The following TBC1D9 variants were observed in gnomAD, a reference collection of about 807,000 sequenced individuals.
The protein encoded by TBC1D9 is TBC1 domain family member 9A.
A neutral mutation model predicts 132.0 loss-of-function variants in TBC1D9; 63 were observed. The ratio of observed to expected loss-of-function variants is 0.48; its 90% CI spans 0.39 to 0.59. TBC1D9 has a LOEUF of 0.59. TBC1D9 is among the 20% of genes least tolerant of loss of function. The pLI is 0.00. For synonymous variants in TBC1D9, 610 were observed against 609.9 expected (o/e 1.00, Z 0.00); for missense variants, 1,261 against 1,592.7 (o/e 0.79, Z 3.54).
Position 140,665,752 on chromosome 4 carries a change from T to C in TBC1D9, c.1588+3165A>G, listed in dbSNP as rs187622790. ...GGTGCAGAGGTCTGATCACAGCTCA[T>C]TGCAGCCTCAACCTCCCAGACTCAA... On this transcript the variant is annotated intron_variant, in intron 9 of 20. Coordinates refer to ENST00000442267, the MANE Select transcript of TBC1D9 (RefSeq NM_015130.3). Among the ~76,000 whole-genome samples the C allele has an allele frequency of 4.4e-3, 673 of 152,256 alleles. 4 individuals carry two copies. Among genetic ancestry groups the C allele is most frequent in the African/African-American group, 0.015 (627 of 41,548 alleles).
Position 140,622,192 on chromosome 4 carries a change from G to A in TBC1D9, c.*3C>T. 1 of 1,569,132 alleles carries A rather than the reference G, an allele frequency of 6.4e-7. No individual in the cohort carries two copies. The highest frequency in any genetic ancestry group is 8.7e-7 in the Non-Finnish European group (1 of 1,148,366). On this transcript the variant is annotated 3_prime_UTR_variant, in exon 21 of 21. Transcript: ENST00000442267. The stretch of plus-strand genomic sequence containing the variant: ...CTCCCACTCCCCCGGGAAGGCGCCC[G>A]TGTCAGCCGGACATGGCCGAGATTT...
intron 1 of TBC1D9, among the ~76,000 whole-genome samples, chr4:140,732,476 G>T (rs1738609213): frequency 6.6e-6 from 1 of 152,172 alleles, no homozygotes; most frequent in African/African-American, 2.4e-5. Flanking sequence ...AGACTTTTGG[G>T]AAATTAGAAC....
chr4:140,674,799 A>G (rs1341310056), intron 6 of TBC1D9, among the ~76,000 whole-genome samples: 1 of 151,972 alleles, frequency 6.6e-6, no homozygotes, highest in African/African-American at 2.4e-5. Context: ...CCTGGGTTCA[A>G]GTGATCCTCC....
intron 13 of TBC1D9, among the ~76,000 whole-genome samples, chr4:140,654,097 AT>A (rs1234926270): frequency 2.0e-5 from 3 of 152,270 alleles, no homozygotes; most frequent in Non-Finnish European, 4.4e-5. Context: ...TGAACAAAAG[AT>A]TCTTAGCAAA....
intron 1 of TBC1D9, among the ~76,000 whole-genome samples, chr4:140,746,353 C>G (rs1294957745): frequency 6.6e-6 from 1 of 152,100 alleles, no homozygotes; most frequent in African/African-American, 2.4e-5. Flanking sequence ...CACCTGAGAT[C>G]CATTAAACTC....
chr4:140,736,027 C>T (rs929197429), intron 1 of TBC1D9, among the ~76,000 whole-genome samples: 1 of 152,166 alleles, frequency 6.6e-6, no homozygotes, highest in African/African-American at 2.4e-5. Context: ...TGGAATGATA[C>T]TGACAAGATT....
Position 140,657,184 on chromosome 4 carries a change from G to T in TBC1D9, c.2250C>A (p.Pro750=). The change falls in exon 13 of 21, where the codon CCC becomes CCA. Residue 750 remains proline (P), a synonymous_variant. Transcript: ENST00000442267. ...TGAGCAAGGAGTGGAGGTGAGGAATGGGAGGCAGTGTGCTGTCTTTATTGG... is the reference window on the plus strand; with the variant it reads ...TGAGCAAGGAGTGGAGGTGAGGAATTGGAGGCAGTGTGCTGTCTTTATTGG... ...SVTNKDSTLP[P]IPHLHSLLSD... 6.2e-7 allele frequency: 1 copy of T among 1,613,902 alleles called. No homozygotes were observed. The highest frequency in any genetic ancestry group is 8.5e-7 in the Non-Finnish European group (1 of 1,179,796).
intron 1 of TBC1D9, among the ~76,000 whole-genome samples, chr4:140,740,800 C>T (rs1738747519): frequency 6.6e-6 from 1 of 152,222 alleles, no homozygotes; most frequent in East Asian, 1.9e-4. Flanking sequence ...CTGTCAATTT[C>T]ATCCAAATGA....
intron 1 of TBC1D9, among the ~76,000 whole-genome samples, chr4:140,707,384 TC>T (rs1331161822): frequency 1.3e-5 from 2 of 152,340 alleles, no homozygotes; most frequent in Non-Finnish European, 1.5e-5. Context: ...TTCACTGATC[TC>T]CCTAAAGCCA....
chr4:140,730,979 C>T (rs1298439769), intron 1 of TBC1D9, among the ~76,000 whole-genome samples: 3 of 152,156 alleles, frequency 2.0e-5, no homozygotes, highest in South Asian at 2.1e-4. Context: ...CATCAATGAA[C>T]TCAAGTTAAA....
intron 1 of TBC1D9, among the ~76,000 whole-genome samples, chr4:140,704,302 G>A (rs1738116382): frequency 1.3e-5 from 2 of 152,202 alleles, no homozygotes; most frequent in South Asian, 4.2e-4. Context: ...TAGGGAGGCT[G>A]AGGCAGGAGA....
chr4:140,642,822 G>C (rs1042985469), intron 13 of TBC1D9: 2 of 601,958 alleles, frequency 3.3e-6, no homozygotes, highest in African/African-American at 3.7e-5. Context: ...CCCCTCTTGC[G>C]GGCGGGCGAC....
intron 1 of TBC1D9, among the ~76,000 whole-genome samples, chr4:140,704,236 A>G (rs1738115386): frequency 6.6e-6 from 1 of 151,964 alleles, no homozygotes; most frequent in African/African-American, 2.4e-5. Context: ...CTTCCCCATT[A>G]AAAATCCAAA....
At chr4:140,670,317 G>A (rs1050903513) in intron 7 of TBC1D9, among the ~76,000 whole-genome samples, 1 of 152,040 alleles carries the variant, frequency 6.6e-6, no homozygotes, top group African/African-American at 2.4e-5. Flanking sequence ...CCTGAATGTT[G>A]GTCCAGGGAA....
chr4:140,732,602 T>C (rs1363958868), intron 1 of TBC1D9, among the ~76,000 whole-genome samples: 2 of 152,172 alleles, frequency 1.3e-5, no homozygotes, highest in Non-Finnish European at 1.5e-5. Context: ...TTAACTGAAA[T>C]GAAATCTGGT....
chr4:140,722,077 A>G (rs936119578), intron 1 of TBC1D9, among the ~76,000 whole-genome samples: 1 of 152,094 alleles, frequency 6.6e-6, no homozygotes, highest in Non-Finnish European at 1.5e-5. Flanking sequence ...CTGTTTTTTA[A>G]TCAATGGAAG....
At chr4:140,655,352 T>C (rs528118195) in intron 13 of TBC1D9, among the ~76,000 whole-genome samples, 4 of 151,728 alleles carry the variant, frequency 2.6e-5, no homozygotes, top group African/African-American at 9.8e-5. Flanking sequence ...CTGAAAAGAT[T>C]TCTATATCCA....
At chr4:140,703,924 C>A (rs1020707356) in intron 1 of TBC1D9, among the ~76,000 whole-genome samples, 3 of 152,186 alleles carry the variant, frequency 2.0e-5, no homozygotes, top group African/African-American at 7.2e-5. Flanking sequence ...AATGACTTTT[C>A]ACTTATCTAC....
intron 20 of TBC1D9, 93 bp from the exon 21 acceptor site, chr4:140,623,010 C>G: frequency 7.2e-7 from 1 of 1,390,758 alleles, no homozygotes; most frequent in Non-Finnish European, 9.4e-7. Context: ...AATGAGAACG[C>G]CTAAAGATCC....
Sources: allele counts gnomAD v4.1 joint callset (sites outside exome capture counted in the v4.1 genomes callset), GRCh38; gene constraint gnomAD v4.1.1; transcripts MANE v1.5; gene names NCBI Gene and HGNC (gene_info 2026-07-23, HGNC 2026-07-21).